SLC26A11: variants seen among roughly 807,000 people sequenced by gnomAD.
SLC26A11 encodes solute carrier family 26 member 11, also known as sodium-independent sulfate anion transporter.
A neutral mutation model predicts 62.2 loss-of-function variants in SLC26A11; 58 were observed. The observed-to-expected ratio is 0.93, with a 90% CI of 0.76 to 1.16. The LOEUF is 1.16. SLC26A11 is among the 50% of genes most tolerant of loss of function. The probability of loss-of-function intolerance (pLI) is 0.00; values close to 1 mark genes in which losing one functional copy is unlikely to be tolerated. For synonymous variants in SLC26A11, 411 were observed against 368.9 expected (o/e 1.11, Z -1.31); for missense variants, 790 against 794.3 (o/e 0.99, Z 0.06).
chr17:80,244,612 C>T (rs540365221), intron 10 of SLC26A11, among the ~76,000 whole-genome samples: 47 of 152,272 alleles, frequency 3.1e-4, no homozygotes, highest in African/African-American at 1.0e-3. Flanking sequence ...GAGGCTGAGG[C>T]GGATGGGTCA....
chr17:80,222,001 G>C lies in SLC26A11; in HGVS notation c.234+207G>C, dbSNP rs185899192. On this transcript the variant is annotated intron_variant, in intron 3 of 17. Transcript: ENST00000361193. This position sits in a 1 kb window ranked among gnomAD's most constrained non-coding sequence, Gnocchi z 4.7. ...ACACAGACACTGAGCTGGTTATGGA[G>C]GGGCCAGCGAGATGACTCATGGAGG... 9.0e-5 allele frequency: 52 copies of C among 579,344 alleles called. No individual in the cohort carries two copies. In the African/African-American group the frequency reaches 9.1e-4, roughly 10 times the overall value. The allele number at this position is 579,344 out of a possible 1,614,324, so 35.9% of individuals were successfully genotyped here.
intron 14 of SLC26A11, 142 bp from the exon 15 acceptor site, chr17:80,248,433 G>A: frequency 1.6e-6 from 2 of 1,248,242 alleles, no homozygotes; most frequent in Non-Finnish European, 2.2e-6. Flanking sequence ...CTGTGTGGGG[G>A]CCATGGGGGT....
chr17:80,246,733 C>T lies in SLC26A11; in HGVS notation c.1294+84C>T, dbSNP rs2043009631. 2.0e-6 allele frequency: 3 copies of T among 1,514,882 alleles called. No individual in the cohort carries two copies. The highest frequency in any genetic ancestry group is 2.7e-6 in the Non-Finnish European group (3 of 1,125,736). The allele number at this position is 1,514,882 out of a possible 1,614,324, so 93.8% of individuals were successfully genotyped here. A position where few individuals can be genotyped will look rare whatever the true frequency, so the allele number is the denominator to read the frequency against. On this transcript the variant is annotated intron_variant, in intron 13 of 17. Coordinates refer to ENST00000361193, the MANE Select transcript of SLC26A11 (RefSeq NM_001166347.2). The surrounding 1 kb of genome is among the most constrained non-coding windows in gnomAD (Gnocchi z 4.4). The stretch of plus-strand genomic sequence containing the variant: ...TCATTTATGCTACCCCATTTTCCTG[C>T]AGCCCCCTCTGTGGGGCTGGGACTG...
At position 80,252,975 on chromosome 17, in the gene SLC26A11, G is replaced by C. The variant is rs73432175; in HGVS notation, c.*259G>C. On this transcript the variant is annotated 3_prime_UTR_variant, in exon 18 of 18. Coordinates refer to ENST00000361193, the MANE Select transcript of SLC26A11 (RefSeq NM_001166347.2). This position sits in a 1 kb window ranked among gnomAD's most constrained non-coding sequence, Gnocchi z 5.2. ...ACCCTCTTTGGAAGAGTGGTTTGGAGAGAGCCTTCTAGAATGACAGACTGT... is the reference window on the plus strand; with the variant it reads ...ACCCTCTTTGGAAGAGTGGTTTGGACAGAGCCTTCTAGAATGACAGACTGT... 15,802 of 365,096 alleles carry C rather than the reference G, an allele frequency of 0.043. 1,068 individuals are homozygous for C. Among genetic ancestry groups the C allele is most frequent in the African/African-American group, 0.2 (9,487 of 47,198 alleles). 22.6% of individuals were successfully genotyped at this position (365,096 alleles called of 1,614,324 possible). A position where few individuals can be genotyped will look rare whatever the true frequency, so the allele number is the denominator to read the frequency against.
intron 6 of SLC26A11, among the ~76,000 whole-genome samples, chr17:80,227,092 G>A (rs2144888484): frequency 6.6e-6 from 1 of 152,300 alleles, no homozygotes; most frequent in South Asian, 2.1e-4. Flanking sequence ...TTAGTCCTAA[G>A]CCTTCTAGAA....
chr17:80,251,657 G>A (rs891385516), intron 17 of SLC26A11, among the ~76,000 whole-genome samples: 6 of 151,930 alleles, frequency 3.9e-5, no homozygotes, highest in Non-Finnish European at 5.9e-5. Context: ...CAGCTATTCG[G>A]GAGGCTGAAG....
At chr17:80,239,127 C>A (rs983365524) in intron 9 of SLC26A11, among the ~76,000 whole-genome samples, 1 of 144,204 alleles carries the variant, frequency 6.9e-6, no homozygotes, top group African/African-American at 2.6e-5. Context: ...GTTGCCCATG[C>A]TGGGTGCAAT....
chr17:80,221,012 C>G lies in SLC26A11; in HGVS notation c.-117C>G, dbSNP rs570181618. On this transcript the variant is annotated 5_prime_UTR_variant, in exon 2 of 18. Coordinates refer to ENST00000361193, the MANE Select transcript of SLC26A11 (RefSeq NM_001166347.2). ...GACCCCCCCACTCTCCCTCGAGCGC[C>G]GCAGTCCACCGTAGCGGGTGGAGCC... is the stretch of plus-strand genomic sequence containing the variant. The G allele has an allele frequency of 2.0e-5, 3 of 153,078 alleles. No homozygotes were observed. The highest frequency in any genetic ancestry group is 3.9e-4 in the East Asian group (2 of 5,164). 9.5% of individuals were successfully genotyped at this position (153,078 alleles called of 1,614,324 possible). A position where few individuals can be genotyped will look rare whatever the true frequency, so the allele number is the denominator to read the frequency against.
At position 80,232,155 on chromosome 17, in the gene SLC26A11, A is replaced by G. The variant is rs565450395; in HGVS notation, c.736+4195A>G. Reference sequence around the variant, plus strand: ...AGAATTATAATTTTCTCTTGGAATGATACTTTTTTTTCTGGGCAATATTCT... The same window carrying G: ...AGAATTATAATTTTCTCTTGGAATGGTACTTTTTTTTCTGGGCAATATTCT... On this transcript the variant is annotated intron_variant, in intron 7 of 17. Coordinates refer to ENST00000361193, the MANE Select transcript of SLC26A11 (RefSeq NM_001166347.2). Among the ~76,000 whole-genome samples the G allele has an allele frequency of 9.9e-4, 151 of 152,102 alleles. 1 individual carries two copies. Among genetic ancestry groups the G allele is most frequent in the Middle Eastern group, 3.4e-3 (1 of 294 alleles).
Position 80,252,496 on chromosome 17 carries a change from G to A in SLC26A11, c.1730-129G>A. The A allele has an allele frequency of 1.4e-6, 1 of 702,156 alleles. No individual in the cohort carries two copies. The highest frequency in any genetic ancestry group is 2.3e-6 in the Non-Finnish European group (1 of 428,522). 43.5% of individuals were successfully genotyped at this position (702,156 alleles called of 1,614,324 possible). A position where few individuals can be genotyped will look rare whatever the true frequency, so the allele number is the denominator to read the frequency against. On this transcript the variant is annotated intron_variant, in intron 17 of 17. Coordinates refer to ENST00000361193, the MANE Select transcript of SLC26A11 (RefSeq NM_001166347.2). This position sits in a 1 kb window ranked among gnomAD's most constrained non-coding sequence, Gnocchi z 5.2. Reference sequence around the variant, plus strand: ...TCATGGAGTTAGTGACACTGGCCTGGGTGGCCCACAGCTCCTTCCTGCACA... The same window carrying A: ...TCATGGAGTTAGTGACACTGGCCTGAGTGGCCCACAGCTCCTTCCTGCACA...
Position 80,236,949 on chromosome 17 carries a change from C to T in SLC26A11, c.758C>T (p.Ser253Phe). 6.2e-7 allele frequency: 1 copy of T among 1,613,352 alleles called. No homozygotes were observed. The highest frequency in any genetic ancestry group is 8.5e-7 in the Non-Finnish European group (1 of 1,179,380). The change falls in exon 8 of 18, where the codon TCC (serine) becomes TTC (phenylalanine). Residue 253 changes from serine (S) to phenylalanine (F), a missense_variant. Transcript: ENST00000361193. ...ATTARNALVVSFAALVAYSFE... is the reference protein window; with the variant it reads ...ATTARNALVVFFAALVAYSFE... ...CTAGCTCGCAACGCCCTGGTGGTCTCCTTCGCAGCCCTGGTTGCGTACTCC... is the reference window on the plus strand; with the variant it reads ...CTAGCTCGCAACGCCCTGGTGGTCTTCTTCGCAGCCCTGGTTGCGTACTCC...
chr17:80,248,437 T>C (rs900256571), intron 14 of SLC26A11, 138 bp from the exon 15 acceptor site: 3 of 1,242,078 alleles, frequency 2.4e-6, no homozygotes. Flanking sequence ...GTGGGGGCCA[T>C]GGGGGTCTCC....
chr17:80,246,477 C>T lies in SLC26A11; in HGVS notation c.1154-32C>T. The stretch of plus-strand genomic sequence containing the variant: ...CTGCGTGCTGGGGGGACCCTGCACT[C>T]CCGAGGTCACCTGTGTTCCCGTGCC... On this transcript the variant is annotated intron_variant, in intron 12 of 17. Coordinates refer to ENST00000361193, the MANE Select transcript of SLC26A11 (RefSeq NM_001166347.2). The surrounding 1 kb of genome is among the most constrained non-coding windows in gnomAD (Gnocchi z 4.4). The T allele has an allele frequency of 1.9e-6, 3 of 1,604,906 alleles. No individual in the cohort carries two copies. Among genetic ancestry groups the T allele is most frequent in the Non-Finnish European group, 2.5e-6 (3 of 1,179,808 alleles).
intron 7 of SLC26A11, among the ~76,000 whole-genome samples, chr17:80,233,075 C>G (rs1461355711): frequency 6.6e-6 from 1 of 152,040 alleles, no homozygotes; most frequent in African/African-American, 2.4e-5. Context: ...TGGCGAAACC[C>G]CATCTCTACC....
Position 80,249,281 on chromosome 17 carries a change from C to T in SLC26A11, c.1650C>T (p.Gly550=), listed in dbSNP as rs1414110676. 2 of 1,609,966 alleles carry T rather than the reference C, an allele frequency of 1.2e-6. No homozygotes were observed. Among genetic ancestry groups the T allele is most frequent in the Non-Finnish European group, 1.7e-6 (2 of 1,179,978 alleles). The change falls in exon 16 of 18, where the codon GGC becomes GGT. Residue 550 remains glycine (G), a synonymous_variant. Transcript: ENST00000361193. ...QKQGVALAFV[G]LQVPVLRVLL... ...AGGGCGTCGCCCTGGCCTTTGTGGG[C>T]CTGCAGGTGGGTGTGCACTGGGCTG...
In SLC26A11 at chr17:80,246,796, C is replaced by A; in HGVS notation, c.1294+147C>A. 1 of 1,092,488 alleles carries A rather than the reference C, an allele frequency of 9.2e-7. No individual in the cohort carries two copies. The highest frequency in any genetic ancestry group is 1.3e-6 in the Non-Finnish European group (1 of 770,646). The allele number at this position is 1,092,488 out of a possible 1,614,324, so 67.7% of individuals were successfully genotyped here. A position where few individuals can be genotyped will look rare whatever the true frequency, so the allele number is the denominator to read the frequency against. On this transcript the variant is annotated intron_variant, in intron 13 of 17. Coordinates refer to ENST00000361193, the MANE Select transcript of SLC26A11 (RefSeq NM_001166347.2). This position sits in a 1 kb window ranked among gnomAD's most constrained non-coding sequence, Gnocchi z 4.4. ...AGTCCCGGAACAGAGAAGTGGATGGCCAGGAGATGGCCCCAGAGATGGTCC... is the reference window on the plus strand; with the variant it reads ...AGTCCCGGAACAGAGAAGTGGATGGACAGGAGATGGCCCCAGAGATGGTCC...
At chr17:80,231,783 C>G (rs1180580643) in intron 7 of SLC26A11, among the ~76,000 whole-genome samples, 1 of 152,138 alleles carries the variant, frequency 6.6e-6, no homozygotes, top group African/African-American at 2.4e-5. Flanking sequence ...TAATTTAGTT[C>G]CATTGTGATA....
chr17:80,249,884 G>A (rs2043112854), intron 16 of SLC26A11, among the ~76,000 whole-genome samples: 1 of 152,108 alleles, frequency 6.6e-6, no homozygotes, highest in Non-Finnish European at 1.5e-5. Flanking sequence ...CAGCCTGGGC[G>A]ACAGAGTGGG....
chr17:80,246,096 A>G lies in SLC26A11; in HGVS notation c.1098-58A>G. 6.3e-7 allele frequency: 1 copy of G among 1,588,848 alleles called. No homozygotes were observed. Among genetic ancestry groups the G allele is most frequent in the Non-Finnish European group, 8.6e-7 (1 of 1,158,100 alleles). On this transcript the variant is annotated intron_variant, in intron 11 of 17. Coordinates refer to ENST00000361193, the MANE Select transcript of SLC26A11 (RefSeq NM_001166347.2). The surrounding 1 kb of genome is among the most constrained non-coding windows in gnomAD (Gnocchi z 4.4). ...CGGAAGATCAGCCACAGGAGTGTGG[A>G]CTGAGGTCTCCCTTTTCCCGGCCCC...
Sources: allele counts gnomAD v4.1 joint callset (sites outside exome capture counted in the v4.1 genomes callset), GRCh38; gene constraint gnomAD v4.1.1; non-coding constraint Gnocchi (gnomAD v3.1); transcripts MANE v1.5; gene names NCBI Gene and HGNC (gene_info 2026-07-23, HGNC 2026-07-21).